The following OPRM1 variants were observed in gnomAD, a reference collection of about 807,000 sequenced individuals.
The protein encoded by OPRM1 is mu-type opioid receptor.
In OPRM1, 27 loss-of-function variants were observed where a neutral mutation model predicts 31.8. That is an observed-to-expected ratio of 0.85 (90% CI 0.63 to 1.17). The LOEUF is 1.17. Ranked by LOEUF, OPRM1 falls within the 50% of genes most tolerant of loss-of-function variation. The pLI is 0.00. For synonymous variants in OPRM1, 196 were observed against 189.9 expected (o/e 1.03, Z -0.26); for missense variants, 536 against 511.1 (o/e 1.05, Z -0.47).
intron 3 of OPRM1, among the ~76,000 whole-genome samples, chr6:154,240,453 T>G (rs545687482): frequency 6.6e-6 from 1 of 152,174 alleles, no homozygotes; most frequent in African/African-American, 2.4e-5. Context: ...TGCCTACTGA[T>G]GAAAGGTTCA....
rs547067736 is a variant in OPRM1, at chr6:154,119,968, G to C, written c.*1247G>C. Among the ~76,000 whole-genome samples, 1 of 152,134 alleles carries C rather than the reference G, an allele frequency of 6.6e-6. No individual in the cohort carries two copies. The highest frequency in any genetic ancestry group is 2.4e-5 in the African/African-American group (1 of 41,520). Reference sequence around the variant, plus strand: ...AGTAGTTTCTTTAAGACAATTCTCCGCTTTAACTGATTTTCTTTGTTGTGA... The same window carrying C: ...AGTAGTTTCTTTAAGACAATTCTCCCCTTTAACTGATTTTCTTTGTTGTGA... On this transcript the variant is annotated 3_prime_UTR_variant, in exon 4 of 4. Coordinates refer to ENST00000330432, the MANE Select transcript of OPRM1 (RefSeq NM_000914.5).
chr6:154,077,702 G>A (rs1453415340), intron 1 of OPRM1, among the ~76,000 whole-genome samples: 1 of 151,914 alleles, frequency 6.6e-6, no homozygotes, highest in African/African-American at 2.4e-5. Flanking sequence ...CTGCACTCCA[G>A]CCTGGGCGAC....
At chr6:154,063,740 A>G (rs1449696236) in intron 1 of OPRM1, among the ~76,000 whole-genome samples, 1 of 152,104 alleles carries the variant, frequency 6.6e-6, no homozygotes, top group African/African-American at 2.4e-5. Context: ...TAATATAAGA[A>G]GAATCATATA....
intron 1 of OPRM1, among the ~76,000 whole-genome samples, chr6:154,088,379 C>A (rs1270791598): frequency 4.6e-5 from 7 of 152,172 alleles, no homozygotes; most frequent in Non-Finnish European, 1.0e-4. Context: ...CACAAAGACA[C>A]TTTTGGGAGC....
chr6:154,133,593 C>T (rs1267171043), downstream of OPRM1, among the ~76,000 whole-genome samples: 1 of 152,154 alleles, frequency 6.6e-6, no homozygotes, highest in African/African-American at 2.4e-5. Context: ...AGTGACTTTA[C>T]CAGTCTACCC....
intron 3 of OPRM1, among the ~76,000 whole-genome samples, chr6:154,114,668 C>T (rs996815492): frequency 1.3e-5 from 2 of 152,060 alleles, no homozygotes; most frequent in African/African-American, 4.8e-5. Flanking sequence ...GATTCATTTA[C>T]AGTCACAATG....
intron 3 of OPRM1, among the ~76,000 whole-genome samples, chr6:154,147,790 C>T (rs1798396568): frequency 6.6e-6 from 1 of 152,194 alleles, no homozygotes; most frequent in South Asian, 2.1e-4. Context: ...AGCAGGACCT[C>T]TAGATCCAGA....
upstream of OPRM1, among the ~76,000 whole-genome samples, chr6:154,034,844 G>A (rs1779210402): frequency 6.6e-6 from 1 of 152,112 alleles, no homozygotes; most frequent in Non-Finnish European, 1.5e-5. Flanking sequence ...AAGACATTTA[G>A]GCTTATGTAT....
At position 154,161,196 on chromosome 6, in the gene OPRM1, A is replaced by AT. The variant is rs1423862322; in HGVS notation, c.1164+69731dup. On this transcript the variant is annotated intron_variant, in intron 3 of 3. Coordinates refer to the OPRM1 transcript ENST00000337049. ...ACACTTTCCAGTCTTTCTTTACCCA[A>AT]TTTTTTTCTTTTCTTTTCATTTTTT... Among the ~76,000 whole-genome samples, 3 of 148,766 alleles carry AT rather than the reference A, an allele frequency of 2.0e-5. No individual in the cohort carries two copies. In the South Asian group the frequency reaches 6.4e-4, roughly 32 times the overall value.
intron 3 of OPRM1, among the ~76,000 whole-genome samples, chr6:154,142,702 C>G (rs1798251181): frequency 6.6e-6 from 1 of 152,192 alleles, no homozygotes; most frequent in Non-Finnish European, 1.5e-5. Context: ...GAAACCCTTA[C>G]TCCTGCTCTG....
chr6:154,172,822 G>A (rs1799984896), intron 3 of OPRM1, among the ~76,000 whole-genome samples: 1 of 152,218 alleles, frequency 6.6e-6, no homozygotes, highest in Non-Finnish European at 1.5e-5. Context: ...TCCCAGCACG[G>A]CATTCGATCT....
intron 3 of OPRM1, chr6:154,107,334 T>A: frequency 3.2e-6 from 2 of 618,930 alleles, no homozygotes; most frequent in Non-Finnish European, 2.9e-6. Context: ...GGCCGGTATT[T>A]CTGGCTTTTG....
At chr6:154,198,690 G>A (rs965698687) in intron 3 of OPRM1, among the ~76,000 whole-genome samples, 2 of 151,220 alleles carry the variant, frequency 1.3e-5, no homozygotes, top group Non-Finnish European at 2.9e-5. Flanking sequence ...GTGATCCTTG[G>A]GCAAATTACG....
At chr6:154,084,291 A>G (rs1225319170) in intron 1 of OPRM1, among the ~76,000 whole-genome samples, 1 of 152,210 alleles carries the variant, frequency 6.6e-6, no homozygotes, top group African/African-American at 2.4e-5. Flanking sequence ...TCACTAAGCT[A>G]GTGGAGAATA....
chr6:154,077,464 C>T (rs1008286546), intron 1 of OPRM1, among the ~76,000 whole-genome samples: 6 of 150,912 alleles, frequency 4.0e-5, no homozygotes, highest in Admixed American at 1.3e-4. Context: ...TGTATGGTGG[C>T]TCACGCCTGT....
At chr6:154,210,805 T>G (rs1777895369) in intron 3 of OPRM1, among the ~76,000 whole-genome samples, 1 of 152,244 alleles carries the variant, frequency 6.6e-6, no homozygotes, top group South Asian at 2.1e-4. Context: ...TGCTTAATTT[T>G]GGCTAATCAT....
intron 1 of OPRM1, chr6:154,083,850 A>G (rs1583435830): frequency 6.8e-6 from 1 of 146,592 alleles, no homozygotes; most frequent in East Asian, 2.2e-4. Context: ...AGGCTGAGGC[A>G]GGAGAATGGC....
chr6:154,013,914 G>A (rs1037027501), intron 1 of OPRM1, among the ~76,000 whole-genome samples: 2 of 152,088 alleles, frequency 1.3e-5, no homozygotes, highest in African/African-American at 4.8e-5. Flanking sequence ...TTCTATTGGG[G>A]AAAGAAAGTC....
At position 154,127,576 on chromosome 6, in the gene OPRM1, T is replaced by C. The variant is rs1052967856; in HGVS notation, c.*8855T>C. 5.3e-5 allele frequency among the ~76,000 whole-genome samples: 8 copies of C among 152,228 alleles called. No individual in the cohort carries two copies. The highest frequency in any genetic ancestry group is 2.0e-4 in the Admixed American group (3 of 15,286). ...TCCACACCACCAATTGAGATGTACC[T>C]GTGCTCATGACTTGACATTGTGGTG... On this transcript the variant is annotated 3_prime_UTR_variant, in exon 4 of 4. Coordinates refer to ENST00000330432, the MANE Select transcript of OPRM1 (RefSeq NM_000914.5).
Sources: allele counts gnomAD v4.1 joint callset (sites outside exome capture counted in the v4.1 genomes callset), GRCh38; gene constraint gnomAD v4.1.1; transcripts MANE v1.5; gene names NCBI Gene and HGNC (gene_info 2026-07-23, HGNC 2026-07-21).